SNED1: variants seen among roughly 807,000 people sequenced by gnomAD.
SNED1 encodes sushi, nidogen and EGF like domains 1.
A neutral mutation model predicts 166.7 loss-of-function variants in SNED1; 81 were observed. That is an observed-to-expected ratio of 0.49 (90% confidence interval 0.41 to 0.58). The LOEUF (loss-of-function observed/expected upper bound fraction) is 0.58. Among genes scored for constraint, SNED1 ranks in the 20% least tolerant of loss-of-function variants. SNED1 has a pLI of 0.00. For missense variants in SNED1, 1,604 were observed against 2,000.2 expected (o/e 0.80, Z 3.78); for synonymous variants, 762 against 822.0 (o/e 0.93, Z 1.25).
At position 241,048,423 on chromosome 2, in the gene SNED1, G is replaced by A; in HGVS notation, c.1382G>A (p.Gly461Asp). 2 of 1,608,234 alleles carry A rather than the reference G, an allele frequency of 1.2e-6. No homozygotes were observed. The highest frequency in any genetic ancestry group is 1.7e-5 in the Admixed American group (1 of 59,198). Residue 461 changes from glycine (G) to aspartate (D), a missense_variant, in exon 9 of 32, where the codon GGC becomes GAC. Physicochemically the swap from Gly to Asp is moderately conservative, Grantham distance 94. This residue lies in a region of SNED1 where 1,237 missense variants were observed against 1,620.8 expected (regional missense o/e 0.76). Transcript: ENST00000310397. ...YVCECPEGFM[G>D]LDCRERVPDD... ...TGCGAGTGCCCCGAAGGCTTCATGG[G>A]CCTGGACTGCAGGGAGAGTGCGTCT...
At chr2:241,076,140 T>C (rs1330212126) in intron 27 of SNED1, among the ~76,000 whole-genome samples, 3 of 152,214 alleles carry the variant, frequency 2.0e-5, no homozygotes, top group African/African-American at 4.8e-5. Context: ...TTCTTCCACA[T>C]ATACACCTTC....
Position 241,048,367 on chromosome 2 carries a change from C to T in SNED1, c.1326C>T (p.Gly442=). ...ACLSAPCHNG[G]TCVDADQGYV... ...TCTCGGCCCCTTGCCACAATGGGGGCACCTGTGTGGATGCGGACCAGGGCT... is the reference window on the plus strand; with the variant it reads ...TCTCGGCCCCTTGCCACAATGGGGGTACCTGTGTGGATGCGGACCAGGGCT... Residue 442 remains glycine (G), a synonymous_variant, in exon 9 of 32, where the codon GGC becomes GGT. Coordinates refer to ENST00000310397, the MANE Select transcript of SNED1 (RefSeq NM_001080437.3). The T allele has an allele frequency of 1.9e-6, 3 of 1,611,782 alleles. No individual in the cohort carries two copies. Among genetic ancestry groups the T allele is most frequent in the Non-Finnish European group, 2.5e-6 (3 of 1,179,076 alleles).
Position 241,093,957 on chromosome 2 carries a change from C to T in SNED1, c.*2321C>T, listed in dbSNP as rs1419058118. On this transcript the variant is annotated 3_prime_UTR_variant, in exon 32 of 32. Transcript: ENST00000310397. ...TGAATTACCCATCTGCTAATGAAACCGGGATGGACTGATCATCTAACCAAG... is the reference window on the plus strand; with the variant it reads ...TGAATTACCCATCTGCTAATGAAACTGGGATGGACTGATCATCTAACCAAG... The T allele has an allele frequency of 1.3e-5, 2 of 158,962 alleles. No homozygotes were observed. Among genetic ancestry groups the T allele is most frequent in the Non-Finnish European group, 2.8e-5 (2 of 72,302 alleles). 9.8% of individuals were successfully genotyped at this position (158,962 alleles called of 1,614,324 possible).
chr2:241,062,425 G>A (rs2062262885), intron 16 of SNED1, among the ~76,000 whole-genome samples: 1 of 152,212 alleles, frequency 6.6e-6, no homozygotes, highest in Non-Finnish European at 1.5e-5. Context: ...TGTCCCAGAT[G>A]GACTGGTTTC....
chr2:241,046,171 T>C, intron 8 of SNED1, among the ~76,000 whole-genome samples: 1 of 152,184 alleles, frequency 6.6e-6, no homozygotes, highest in Non-Finnish European at 1.5e-5. Context: ...CTGGTGTAGA[T>C]ACAGAGCAAC....
At chr2:241,067,527 G>A (rs1179473655) in intron 21 of SNED1, among the ~76,000 whole-genome samples, 2 of 152,200 alleles carry the variant, frequency 1.3e-5, no homozygotes, top group African/African-American at 4.8e-5. Flanking sequence ...AGACGGGCTG[G>A]CCCACAGCGG....
intron 1 of SNED1, among the ~76,000 whole-genome samples, chr2:241,016,606 C>G (rs1450795454): frequency 6.6e-6 from 1 of 152,100 alleles, no homozygotes; most frequent in African/African-American, 2.4e-5. Flanking sequence ...CATTCATGTA[C>G]TGTCTTTGTT....
intron 1 of SNED1, among the ~76,000 whole-genome samples, chr2:241,014,967 C>G (rs2060534590): frequency 6.6e-6 from 1 of 152,218 alleles, no homozygotes; most frequent in African/African-American, 2.4e-5. Context: ...CGGGCTCTCC[C>G]TCCTGCTTCT....
At chr2:240,998,062 C>A (rs1209277429), upstream of SNED1, among the ~76,000 whole-genome samples, 2 of 152,260 alleles carry the variant, frequency 1.3e-5, no homozygotes, top group East Asian at 3.9e-4. Flanking sequence ...CCAGGGGTCG[C>A]CCCGAGGTCC....
At chr2:241,088,760 C>G (rs1046027925) in intron 31 of SNED1, 3 of 284,364 alleles carry the variant, frequency 1.1e-5, no homozygotes, top group Non-Finnish European at 2.0e-5. Flanking sequence ...TGGAAGACCA[C>G]CTGGCACCTG....
chr2:241,073,249 C>T lies in SNED1; in HGVS notation c.3818-17C>T, dbSNP rs377339292. The T allele has an allele frequency of 6.3e-5, 98 of 1,546,604 alleles. No individual in the cohort carries two copies. The highest frequency in any genetic ancestry group is 1.3e-4 in the South Asian group (11 of 83,996). The stretch of plus-strand genomic sequence containing the variant: ...CAAAGCAGCTGCGCCGTGTGGTCAC[C>T]GCCTGGCTTCTCCTAGAACCCACAG... On this transcript the variant is annotated splice_polypyrimidine_tract_variant and intron_variant, in intron 26 of 31. Coordinates refer to ENST00000310397, the MANE Select transcript of SNED1 (RefSeq NM_001080437.3). The surrounding 1 kb of genome is among the most constrained non-coding windows in gnomAD (Gnocchi z 6.6).
chr2:241,010,402 G>C (rs2060354689), intron 1 of SNED1: 2 of 152,322 alleles, frequency 1.3e-5, no homozygotes, highest in Admixed American at 1.3e-4. Flanking sequence ...TTCCTCCTGA[G>C]CCAGCAGAGG....
intron 1 of SNED1, among the ~76,000 whole-genome samples, chr2:241,029,898 G>A (rs1003990530): frequency 3.3e-5 from 5 of 152,228 alleles, no homozygotes; most frequent in African/African-American, 1.2e-4. Flanking sequence ...GCTCCGCCTC[G>A]CCTCCTGCGG....
intron 16 of SNED1, among the ~76,000 whole-genome samples, chr2:241,061,736 T>G (rs1191115755): frequency 6.6e-6 from 1 of 151,578 alleles, no homozygotes; most frequent in African/African-American, 2.4e-5. Context: ...AATACAAAAA[T>G]TAGTCGGGCA....
intron 6 of SNED1, 112 bp downstream of exon 6, chr2:241,037,465 G>A: frequency 1.3e-6 from 1 of 749,156 alleles, no homozygotes; most frequent in Non-Finnish European, 2.2e-6. Flanking sequence ...ATGCTGCAAG[G>A]TAGACAGCCC....
intron 16 of SNED1, among the ~76,000 whole-genome samples, chr2:241,054,741 G>A (rs1365177518): frequency 1.3e-5 from 2 of 152,234 alleles, no homozygotes; most frequent in African/African-American, 4.8e-5. Flanking sequence ...AATGGATGCA[G>A]ATGAAGAGTA....
chr2:241,049,464 C>T (rs1028116102), intron 11 of SNED1, among the ~76,000 whole-genome samples: 2 of 152,166 alleles, frequency 1.3e-5, no homozygotes, highest in East Asian at 1.9e-4. Context: ...CACTACTATA[C>T]GTTTGTTAGT....
intron 1 of SNED1, among the ~76,000 whole-genome samples, chr2:241,016,987 G>A (rs1007494909): frequency 6.6e-6 from 1 of 151,584 alleles, no homozygotes; most frequent in African/African-American, 2.4e-5. Flanking sequence ...CGAGTAGCTG[G>A]GATTACAGGC....
Position 241,051,746 on chromosome 2 carries a change from C to G in SNED1, c.1738C>G (p.Arg580Gly). Residue 580 changes from arginine (R) to glycine (G), a missense_variant and splice_region_variant, in exon 13 of 32, where the codon CGG becomes GGG. Physicochemically the swap from Arg to Gly is moderately radical, Grantham distance 125. Transcript: ENST00000310397. This position sits in a 1 kb window ranked among gnomAD's most constrained non-coding sequence, Gnocchi z 4.7. ...TGCCTCTCTGTCCTTCCACACAGCC[C>G]GGCCACACCTGTGCAGCTCAGGGCC... is the stretch of plus-strand genomic sequence containing the variant. ...GFHGKHCEKA[R>G]PHLCSSGPCR... 1 of 1,489,686 alleles carries G rather than the reference C, an allele frequency of 6.7e-7. No homozygotes were observed. 92.3% of individuals were successfully genotyped at this position (1,489,686 alleles called of 1,614,324 possible).
Sources: allele counts gnomAD v4.1 joint callset (sites outside exome capture counted in the v4.1 genomes callset), GRCh38; gene constraint gnomAD v4.1.1; regional missense constraint gnomAD v4.1.1; non-coding constraint Gnocchi (gnomAD v3.1); transcripts MANE v1.5; gene names NCBI Gene and HGNC (gene_info 2026-07-23, HGNC 2026-07-21).